Variants in ARHGAP15 observed in about 807,000 individuals in gnomAD.
ARHGAP15 encodes the protein Rho GTPase activating protein 15.
A neutral mutation model predicts 63.7 loss-of-function variants in ARHGAP15; 51 were observed. The ratio of observed to expected loss-of-function variants is 0.80; its 90% confidence interval spans 0.64 to 1.01. The LOEUF (loss-of-function observed/expected upper bound fraction) is 1.01. Among genes scored for constraint, ARHGAP15 ranks in the 50% least tolerant of loss-of-function variants. The probability of loss-of-function intolerance (pLI) is 0.00; values close to 1 mark genes in which losing one functional copy is unlikely to be tolerated. For synonymous variants in ARHGAP15, 191 were observed against 193.8 expected, an observed-to-expected ratio of 0.99 and a Z score of 0.12; for missense variants, 560 against 564.6, an observed-to-expected ratio of 0.99 and a Z score of 0.08.
chr2:143,725,753 G>T (rs1297583761), intron 13 of ARHGAP15, among the ~76,000 whole-genome samples: 1 of 152,156 alleles, frequency 6.6e-6, no homozygotes, highest in Non-Finnish European at 1.5e-5. Context: ...ACAAAACAAG[G>T]TCTATGTGCC....
intron 1 of ARHGAP15, among the ~76,000 whole-genome samples, chr2:143,144,098 A>G (rs1345357223): frequency 1.3e-5 from 2 of 152,056 alleles, no homozygotes; most frequent in Non-Finnish European, 2.9e-5. Context: ...ACATGATCTC[A>G]TTCTTGTTAT....
intron 2 of ARHGAP15, 37 bp downstream of exon 2, chr2:143,155,692 C>A: frequency 6.7e-7 from 1 of 1,493,224 alleles, no homozygotes; most frequent in Non-Finnish European, 8.9e-7. Flanking sequence ...AGTTCCTTGT[C>A]ATACAGAATT....
intron 1 of ARHGAP15, among the ~76,000 whole-genome samples, chr2:143,135,613 A>C (rs551793121): frequency 1.3e-4 from 20 of 152,324 alleles, no homozygotes; most frequent in Non-Finnish European, 2.1e-4. Flanking sequence ...GCCAAATCTA[A>C]TAGCCATTTA....
Position 143,261,325 on chromosome 2 carries a change from C to CTT in ARHGAP15, c.474+10750_474+10751dup, listed in dbSNP as rs534351317. 3.5e-3 allele frequency among the ~76,000 whole-genome samples: 317 copies of CTT among 89,570 alleles called. 46 individuals are homozygous for CTT. Among genetic ancestry groups the CTT allele is most frequent in the African/African-American group, 0.01 (199 of 19,838 alleles). The allele number at this position is 89,570 out of a possible 152,430, so 58.8% of individuals were successfully genotyped here. A position where few individuals can be genotyped will look rare whatever the true frequency, so the allele number is the denominator to read the frequency against. ...GACAGCTGTATCTTGGAGGAATGAC[C>CTT]TTTTTTTTTTTTTTTTTTTTTTTTT... is the stretch of plus-strand genomic sequence containing the variant. On this transcript the variant is annotated intron_variant, in intron 6 of 13. Coordinates refer to ENST00000295095, the MANE Select transcript of ARHGAP15 (RefSeq NM_018460.4).
At position 143,471,821 on chromosome 2, in the gene ARHGAP15, C is replaced by G. The variant is rs963259374; in HGVS notation, c.704-15552C>G. 3.2e-4 allele frequency among the ~76,000 whole-genome samples: 48 copies of G among 152,148 alleles called. 1 individual carries two copies. Among genetic ancestry groups the G allele is most frequent in the Non-Finnish European group, 5.9e-5 (4 of 68,034 alleles). On this transcript the variant is annotated intron_variant, in intron 8 of 13. Transcript: ENST00000295095. ...CCATCTACAGGTTTGAATGCTTACC[C>G]AGGAGACACTCATTTTGAGGACCCA... is the stretch of plus-strand genomic sequence containing the variant.
At chr2:143,687,288 T>A (rs1476591343) in intron 12 of ARHGAP15, among the ~76,000 whole-genome samples, 1 of 152,208 alleles carries the variant, frequency 6.6e-6, no homozygotes, top group Non-Finnish European at 1.5e-5. Context: ...GAAATGTTAC[T>A]GTGACTTCTC....
chr2:143,680,040 A>G, intron 12 of ARHGAP15, among the ~76,000 whole-genome samples: 1 of 150,868 alleles, frequency 6.6e-6, no homozygotes, highest in Non-Finnish European at 1.5e-5. Context: ...AAAAAAAAAA[A>G]AAAAAAAAAA....
At chr2:143,713,653 G>T (rs1684682096) in intron 13 of ARHGAP15, among the ~76,000 whole-genome samples, 2 of 152,048 alleles carry the variant, frequency 1.3e-5, no homozygotes, top group Admixed American at 1.3e-4. Flanking sequence ...TTACTTCCTA[G>T]ATACAAAGAG....
intron 9 of ARHGAP15, among the ~76,000 whole-genome samples, chr2:143,488,088 G>A (rs1692408856): frequency 6.6e-6 from 1 of 152,208 alleles, no homozygotes; most frequent in African/African-American, 2.4e-5. Flanking sequence ...AAGAATAGAT[G>A]ATGGCCACCA....
chr2:143,236,708 AG>A (rs1693666832), intron 5 of ARHGAP15: 1 of 152,178 alleles, frequency 6.6e-6, no homozygotes, highest in Admixed American at 6.5e-5. Context: ...TTGATGTAAA[AG>A]GGGGCAAAAG....
At chr2:143,266,647 T>G (rs1266929648) in intron 6 of ARHGAP15, among the ~76,000 whole-genome samples, 1 of 152,102 alleles carries the variant, frequency 6.6e-6, no homozygotes, top group East Asian at 1.9e-4. Flanking sequence ...CCAATCTGAT[T>G]TAGAGACAGA....
intron 8 of ARHGAP15, among the ~76,000 whole-genome samples, chr2:143,442,554 G>T (rs767404597): frequency 6.6e-6 from 1 of 152,082 alleles, no homozygotes; most frequent in African/African-American, 2.4e-5. Context: ...CCTCCGAGCC[G>T]GAAGAAATAA....
At chr2:143,168,689 C>T (rs1223932161) in intron 2 of ARHGAP15, among the ~76,000 whole-genome samples, 5 of 151,580 alleles carry the variant, frequency 3.3e-5, no homozygotes, top group Non-Finnish European at 7.4e-5. Context: ...TAAGTGAAGC[C>T]GTGCACTTGT....
intron 5 of ARHGAP15, among the ~76,000 whole-genome samples, chr2:143,241,297 A>G (rs1693850635): frequency 6.6e-6 from 1 of 152,198 alleles, no homozygotes; most frequent in Admixed American, 6.6e-5. Flanking sequence ...TTATTTTCAA[A>G]TATTAATGAT....
At chr2:143,513,791 ACCT>A (rs1693687365) in intron 9 of ARHGAP15, among the ~76,000 whole-genome samples, 1 of 152,086 alleles carries the variant, frequency 6.6e-6, no homozygotes, top group African/African-American at 2.4e-5. Context: ...GGATCAGCTC[ACCT>A]CCTACACCCA....
intron 8 of ARHGAP15, among the ~76,000 whole-genome samples, chr2:143,441,904 G>A (rs1251078702): frequency 6.6e-6 from 1 of 152,110 alleles, no homozygotes; most frequent in Non-Finnish European, 1.5e-5. Flanking sequence ...TTAATGACAT[G>A]TGCAATAAGG....
At chr2:143,492,898 A>C (rs78808008) in intron 9 of ARHGAP15, among the ~76,000 whole-genome samples, 9,567 of 143,942 alleles carry the variant, frequency 0.066, 503 homozygotes, top group East Asian at 0.3. Flanking sequence ...CTTCTAAAAA[A>C]TACAAAAAAA....
intron 12 of ARHGAP15, among the ~76,000 whole-genome samples, chr2:143,635,763 C>G (rs1197629727): frequency 2.6e-5 from 4 of 151,896 alleles, no homozygotes. Flanking sequence ...AATGAATACA[C>G]TATTATAGAA....
chr2:143,512,672 CAA>C (rs1030759067), intron 9 of ARHGAP15, among the ~76,000 whole-genome samples: 1 of 152,200 alleles, frequency 6.6e-6, no homozygotes, highest in African/African-American at 2.4e-5. Context: ...GAAATTTACT[CAA>C]GAGTTCTATT....
Sources: allele counts gnomAD v4.1 joint callset (sites outside exome capture counted in the v4.1 genomes callset), GRCh38; gene constraint gnomAD v4.1.1; transcripts MANE v1.5; gene names NCBI Gene and HGNC (gene_info 2026-07-23, HGNC 2026-07-21).